The following RBFOX1 variants were observed in gnomAD, a reference collection of about 807,000 sequenced individuals.
The protein encoded by RBFOX1 is RNA binding protein fox-1 homolog 1.
In RBFOX1, 8 loss-of-function variants were observed where a neutral mutation model predicts 57.7. The ratio of observed to expected loss-of-function variants is 0.14; its 90% CI spans 0.08 to 0.25. The LOEUF (loss-of-function observed/expected upper bound fraction) is 0.25, where lower values mean the gene tolerates loss of function less well. Ranked by LOEUF, RBFOX1 falls within the 10% of genes least tolerant of loss-of-function variation. The pLI is 1.00. For missense variants in RBFOX1, 611 were observed against 548.5 expected (o/e 1.11, Z -1.14); for synonymous variants, 326 against 222.4 (o/e 1.47, Z -4.15).
At chr16:5,789,467 A>G (rs1421341255) in intron 3 of RBFOX1, among the ~76,000 whole-genome samples, 5 of 152,110 alleles carry the variant, frequency 3.3e-5, no homozygotes, top group African/African-American at 1.2e-4. Context: ...ATGGGCATGT[A>G]TGGGTGTGTA....
At chr16:7,340,676 T>A in intron 4 of RBFOX1, among the ~76,000 whole-genome samples, 1 of 152,218 alleles carries the variant, frequency 6.6e-6, no homozygotes, top group East Asian at 1.9e-4. Flanking sequence ...AATAAATATA[T>A]TAAAAAGAGC....
chr16:6,965,974 C>T lies in RBFOX1; in HGVS notation c.-15-86083C>T, dbSNP rs573273529. On this transcript the variant is annotated intron_variant, in intron 3 of 15. Coordinates refer to ENST00000550418, the MANE Select transcript of RBFOX1 (RefSeq NM_018723.4). ...AGGTTTTTAATGGATTCACTTAGGG[C>T]TTTGGAATGGGGAGTAAATGCTCAA... Among the ~76,000 whole-genome samples, 5 of 152,152 alleles carry T rather than the reference C, an allele frequency of 3.3e-5. No individual in the cohort carries two copies. The South Asian group carries it at 1.0e-3, about 32-fold the overall frequency.
At chr16:6,635,135 A>G (rs908986541) in intron 2 of RBFOX1, among the ~76,000 whole-genome samples, 2 of 145,660 alleles carry the variant, frequency 1.4e-5, no homozygotes, top group Non-Finnish European at 3.0e-5. Flanking sequence ...ATTATGTATT[A>G]TATTAAATGT....
chr16:5,873,161 A>C (rs189555083), intron 4 of RBFOX1, among the ~76,000 whole-genome samples: 1,658 of 144,806 alleles, frequency 0.011, 20 homozygotes, highest in African/African-American at 0.042. Flanking sequence ...AAAACAAAGA[A>C]ACAAACAACA....
At chr16:6,088,281 G>A (rs2096118986) in intron 1 of RBFOX1, among the ~76,000 whole-genome samples, 1 of 151,746 alleles carries the variant, frequency 6.6e-6, no homozygotes, top group African/African-American at 2.4e-5. Context: ...TGAACAATAT[G>A]GAACATGTTG....
rs1005397087 is a variant in RBFOX1, at chr16:5,639,270, G to T, written c.318+40309G>T. On this transcript the variant is annotated intron_variant, in intron 3 of 19. Transcript: ENST00000641259. ...CCCCCACTAATTGCACAATTGTGCT[G>T]ATTAAAAAACCACATAAAGGCCTGA... Among the ~76,000 whole-genome samples, 6 of 152,328 alleles carry T rather than the reference G, an allele frequency of 3.9e-5. No homozygotes were observed. The South Asian group carries it at 8.3e-4, about 21-fold the overall frequency.
intron 1 of RBFOX1, among the ~76,000 whole-genome samples, chr16:6,023,266 G>GATAT (rs2095120034): frequency 2.8e-5 from 2 of 70,260 alleles, no homozygotes; most frequent in African/African-American, 1.4e-4. Context: ...TATAATTGAA[G>GATAT]CTATATATAT....
chr16:7,222,111 G>A (rs1247689650), intron 4 of RBFOX1, among the ~76,000 whole-genome samples: 1 of 152,182 alleles, frequency 6.6e-6, no homozygotes, highest in South Asian at 2.1e-4. Flanking sequence ...ATAAAAGGCA[G>A]TGGTGAGGAT....
At chr16:7,587,987 T>C (rs2152898536) in intron 7 of RBFOX1, among the ~76,000 whole-genome samples, 1 of 152,254 alleles carries the variant, frequency 6.6e-6, no homozygotes, top group African/African-American at 2.4e-5. Flanking sequence ...AAGAGCAACC[T>C]GGGCAACATG....
chr16:7,272,128 T>C (rs1807391621), intron 4 of RBFOX1, among the ~76,000 whole-genome samples: 1 of 152,210 alleles, frequency 6.6e-6, no homozygotes, highest in African/African-American at 2.4e-5. Context: ...AAAACTTGAT[T>C]TCTAATGGTT....
chr16:7,440,388 A>C (rs1200449590), intron 4 of RBFOX1, among the ~76,000 whole-genome samples: 1 of 152,090 alleles, frequency 6.6e-6, no homozygotes, highest in Non-Finnish European at 1.5e-5. Context: ...GTAGAAAATG[A>C]ATATGGTGAT....
chr16:6,419,955 C>A (rs928034883), intron 2 of RBFOX1, among the ~76,000 whole-genome samples: 1 of 152,142 alleles, frequency 6.6e-6, no homozygotes, highest in African/African-American at 2.4e-5. Context: ...GCCCCCCCAT[C>A]CCTTCCCTTC....
intron 4 of RBFOX1, among the ~76,000 whole-genome samples, chr16:7,294,576 G>A (rs972701806): frequency 1.3e-5 from 2 of 152,020 alleles, no homozygotes; most frequent in East Asian, 3.9e-4. Flanking sequence ...AAAGCTTAGG[G>A]CAAGCTGTGG....
At chr16:6,322,985 A>G (rs1365387042) in intron 2 of RBFOX1, among the ~76,000 whole-genome samples, 2 of 152,134 alleles carry the variant, frequency 1.3e-5, no homozygotes, top group Non-Finnish European at 2.9e-5. Flanking sequence ...TCCCCTATGA[A>G]TATCTCTTAC....
At position 5,945,033 on chromosome 16, in the gene RBFOX1, C is replaced by A. The variant is rs140669805; in HGVS notation, c.351+77698C>A. Among the ~76,000 whole-genome samples, 309 of 150,778 alleles carry A rather than the reference C, an allele frequency of 2.0e-3. 1 individual carries two copies. The highest frequency in any genetic ancestry group is 7.2e-3 in the African/African-American group (294 of 41,028). ...AGAGAGAGAAAACCATTCTCACCTC[C>A]CTTGCTGGGCTTCTTCTGGAGGGAG... On this transcript the variant is annotated intron_variant, in intron 4 of 19. Transcript: ENST00000641259.
chr16:5,997,749 T>A (rs1363948148), intron 4 of RBFOX1, among the ~76,000 whole-genome samples: 1 of 152,248 alleles, frequency 6.6e-6, no homozygotes, highest in Admixed American at 6.5e-5. Flanking sequence ...CCGTAAAAGT[T>A]TCTGTTAAAT....
At chr16:6,895,498 A>T (rs1481082183) in intron 3 of RBFOX1, among the ~76,000 whole-genome samples, 2 of 126,876 alleles carry the variant, frequency 1.6e-5, no homozygotes, top group Non-Finnish European at 3.2e-5. Flanking sequence ...TTATTCCCCT[A>T]TTGGATAACA....
chr16:6,786,941 C>A (rs564935217), intron 3 of RBFOX1, among the ~76,000 whole-genome samples: 7 of 152,072 alleles, frequency 4.6e-5, no homozygotes, highest in African/African-American at 1.4e-4. Flanking sequence ...TCTTAGGGAC[C>A]TTATCTGAAA....
At chr16:6,709,655 T>C (rs1744379476) in intron 3 of RBFOX1, among the ~76,000 whole-genome samples, 1 of 152,200 alleles carries the variant, frequency 6.6e-6, no homozygotes, top group South Asian at 2.1e-4. Context: ...ATTTAATTTC[T>C]TTTACCTCTC....
Sources: gnomAD v4.1 joint callset for allele counts (sites outside exome capture counted in the v4.1 genomes callset) on GRCh38, gnomAD v4.1.1 for gene constraint, MANE v1.5 for transcripts, NCBI Gene and HGNC (gene_info 2026-07-23, HGNC 2026-07-21) for gene names.